The following SLC19A1 variants were observed in gnomAD, a reference collection of about 807,000 sequenced individuals.
SLC19A1 encodes reduced folate transporter.
A neutral mutation model predicts 35.3 loss-of-function variants in SLC19A1; 37 were observed. That is an observed-to-expected ratio of 1.05 (90% CI 0.81 to 1.38). The LOEUF (loss-of-function observed/expected upper bound fraction) is 1.38. Among genes scored for constraint, SLC19A1 ranks in the 40% most tolerant of loss-of-function variants. The probability of loss-of-function intolerance (pLI) is 0.00; values close to 1 mark genes in which losing one functional copy is unlikely to be tolerated. For missense variants in SLC19A1, 831 were observed against 826.9 expected, an observed-to-expected ratio of 1.00 and a Z score of -0.06; for synonymous variants, 460 against 398.5, an observed-to-expected ratio of 1.15 and a Z score of -1.84.
rs1295041078 is a variant in SLC19A1 at position 45,525,802 on chromosome 21, C to G, written c.1293+15G>C. The stretch of plus-strand genomic sequence containing the variant: ...AGCTTCCATCCCCGAGGACGCAGGC[C>G]TGAAATGGGCTCACCTGCTTGCGGA... On this transcript the variant is annotated intron_variant, in intron 5 of 5. Transcript: ENST00000311124. 1 of 1,612,526 alleles carries G rather than the reference C, an allele frequency of 6.2e-7. No homozygotes were observed. Among genetic ancestry groups the G allele is most frequent in the East Asian group, 2.2e-5 (1 of 44,878 alleles).
In SLC19A1 at chr21:45,515,932, G is replaced by C. The variant is rs780587368; in HGVS notation, c.1502C>G (p.Pro501Arg). The C allele has an allele frequency of 3.2e-6, 5 of 1,538,972 alleles. No individual in the cohort carries two copies. Among genetic ancestry groups the C allele is most frequent in the East Asian group, 2.4e-5 (1 of 42,032 alleles). ...LGGLQPAQSP[P>R]LSPEDSLGAV... ...CCCCAGGCTGTCTTCTGGGGAAAGC[G>C]GCGGGCTCTGGGCTGGCTGCAGGCC... Residue 501 changes from proline (P) to arginine (R), a missense_variant, in exon 6 of 6, where the codon CCG (proline) becomes CGG (arginine). Physicochemically the swap from Pro to Arg is moderately radical, Grantham distance 103 (BLOSUM62 -2). Coordinates refer to ENST00000311124, the MANE Select transcript of SLC19A1 (RefSeq NM_194255.4).
downstream of SLC19A1, chr21:45,511,372 A>G: frequency 1.5e-6 from 1 of 678,212 alleles, no homozygotes; most frequent in South Asian, 1.5e-5. Flanking sequence ...CCAAAAGAGC[A>G]TTGAGAAAAA....
chr21:45,519,908 A>G (rs2077388337), intron 5 of SLC19A1, among the ~76,000 whole-genome samples: 1 of 152,236 alleles, frequency 6.6e-6, no homozygotes, highest in Admixed American at 6.5e-5. Context: ...AAAGCAGAAT[A>G]TACATTCTTT....
intron 3 of SLC19A1, chr21:45,505,026 G>C (rs2037106877): frequency 7.0e-7 from 1 of 1,427,402 alleles, no homozygotes; most frequent in African/African-American, 1.4e-5. Flanking sequence ...CGGTGACTCA[G>C]AGGCTGCGCT....
Position 45,532,042 on chromosome 21 carries a change from T to C in SLC19A1, c.296A>G (p.Gln99Arg). Residue 99 changes from glutamine (Q) to arginine (R), a missense_variant, in exon 3 of 6, where the codon CAG becomes CGG. Transcript: ENST00000311124. ...CCACACCGACACGAAGCTGAGCCCC[T>C]GCAGCAGCAGCACCGGCGTGTAGCG... is the stretch of plus-strand genomic sequence containing the variant. ...YLRYTPVLLLQGLSFVSVWLL... is the reference protein window; with the variant it reads ...YLRYTPVLLLRGLSFVSVWLL... The C allele has an allele frequency of 6.2e-7, 1 of 1,612,214 alleles. No individual in the cohort carries two copies. The highest frequency in any genetic ancestry group is 8.5e-7 in the Non-Finnish European group (1 of 1,179,864).
At position 45,529,386 on chromosome 21, in the gene SLC19A1, G is replaced by A. The variant is rs142087242; in HGVS notation, c.1151+1384C>T. Among the ~76,000 whole-genome samples the A allele has an allele frequency of 1.4e-3, 207 of 152,346 alleles. 2 individuals carry two copies. Among genetic ancestry groups the A allele is most frequent in the Non-Finnish European group, 2.6e-3 (177 of 68,028 alleles). On this transcript the variant is annotated intron_variant, in intron 4 of 5. Coordinates refer to ENST00000311124, the MANE Select transcript of SLC19A1 (RefSeq NM_194255.4). ...ATAAGGCCCAGGGGGATGACCCACG[G>A]AGGGAGGGAGATAGGGCTCGGAGGC... is the stretch of plus-strand genomic sequence containing the variant.
chr21:45,515,237 C>T lies in SLC19A1; in HGVS notation c.*421G>A, dbSNP rs9680103. ...CAGCAATGTCACAGCTCAGCTACAC[C>T]TGAGGGTCCCGGCTCCCACCCTGCC... is the stretch of plus-strand genomic sequence containing the variant. On this transcript the variant is annotated 3_prime_UTR_variant, in exon 6 of 6. Coordinates refer to ENST00000311124, the MANE Select transcript of SLC19A1 (RefSeq NM_194255.4). 8 of 1,505,108 alleles carry T rather than the reference C, an allele frequency of 5.3e-6. No homozygotes were observed. The highest frequency in any genetic ancestry group is 4.4e-6 in the Non-Finnish European group (5 of 1,138,422). 93.2% of individuals were successfully genotyped at this position (1,505,108 alleles called of 1,614,324 possible).
At position 45,533,702 on chromosome 21, in the gene SLC19A1, CTCGTGCTGCCCCAG is replaced by C. The variant is rs2078012981; in HGVS notation, c.190-1568_190-1555del. ...GACCACCAGTAACCCCACAGCCCCA[CTCGTGCTGCCCCAG>C]GTGACCTCAGCCCCTGCCAGCCACA... is the stretch of plus-strand genomic sequence containing the variant. On this transcript the variant is annotated intron_variant, in intron 2 of 5. Coordinates refer to ENST00000311124, the MANE Select transcript of SLC19A1 (RefSeq NM_194255.4). This position sits in a 1 kb window ranked among gnomAD's most constrained non-coding sequence, Gnocchi z 4.5. 6.6e-6 allele frequency among the ~76,000 whole-genome samples: 1 copy of C among 152,098 alleles called. No individual in the cohort carries two copies. Among genetic ancestry groups the C allele is most frequent in the Admixed American group, 6.5e-5 (1 of 15,286 alleles).
At position 45,505,160 on chromosome 21, in the gene SLC19A1, C is replaced by A. The variant is rs774145080; in HGVS notation, c.498-6548G>T. 17 of 1,607,962 alleles carry A rather than the reference C, an allele frequency of 1.1e-5. No individual in the cohort carries two copies. In the South Asian group the frequency reaches 1.8e-4, roughly 17 times the overall value. On this transcript the variant is annotated intron_variant, in intron 3 of 4. Transcript: ENST00000417954. ...GTCCCAAGGGAGAGAGCATCCGGGG[C>A]CAGCCCGGCCCACCTGGACCTCAGG... is the stretch of plus-strand genomic sequence containing the variant.
downstream of SLC19A1, chr21:45,511,043 C>CCCACAAACACCCACACCCAT (rs2037571730): frequency 2.0e-5 from 9 of 450,566 alleles, 1 homozygote; most frequent in Non-Finnish European, 3.5e-5. Context: ...CACACACCCC[C>CCCACAAACACCCACACCCAT]CCACAAACAC....
downstream of SLC19A1, chr21:45,510,377 C>T (rs2037506955): frequency 2.5e-6 from 3 of 1,221,756 alleles, no homozygotes; most frequent in Non-Finnish European, 3.5e-6. Flanking sequence ...GTTACAGACA[C>T]TGGCGCCTAG....
At chr21:45,507,463 G>GCA (rs200248157) in intron 3 of SLC19A1, 1 of 365,640 alleles carries the variant, frequency 2.7e-6, no homozygotes, top group African/African-American at 6.1e-5. Context: ...GGCTGGGAGG[G>GCA]CCAGGTGCTG....
rs2037816041 is a variant in SLC19A1, at chr21:45,514,998, GGACA to G, written c.*656_*659del. On this transcript the variant is annotated 3_prime_UTR_variant, in exon 6 of 6. Coordinates refer to ENST00000311124, the MANE Select transcript of SLC19A1 (RefSeq NM_194255.4). ...AGGTCAGGATGGACACACTTCAGAA[GGACA>G]GACAGGACCATGGAGGGCTGCCCTT... is the stretch of plus-strand genomic sequence containing the variant. 6.6e-7 allele frequency: 1 copy of G among 1,522,774 alleles called. No homozygotes were observed. The allele number at this position is 1,522,774 out of a possible 1,614,324, so 94.3% of individuals were successfully genotyped here. A position where few individuals can be genotyped will look rare whatever the true frequency, so the allele number is the denominator to read the frequency against.
chr21:45,523,726 T>C lies in SLC19A1; in HGVS notation c.1293+2091A>G, dbSNP rs565100633. Among the ~76,000 whole-genome samples, 9 of 152,262 alleles carry C rather than the reference T, an allele frequency of 5.9e-5. No homozygotes were observed. In the South Asian group the frequency reaches 1.9e-3, roughly 32 times the overall value. On this transcript the variant is annotated intron_variant, in intron 5 of 5. Transcript: ENST00000311124. Reference sequence around the variant, plus strand: ...GGGGCAGTCAGCACCCAGAGGCAGGTCAGAAGCCAGTTCCAGCCTGGCTGG... The same window carrying C: ...GGGGCAGTCAGCACCCAGAGGCAGGCCAGAAGCCAGTTCCAGCCTGGCTGG...
downstream of SLC19A1, among the ~76,000 whole-genome samples, chr21:45,508,199 T>TGGGTGAGTGGATGGATGGTGGTCAGGC (rs1220243270): frequency 2.1e-5 from 3 of 144,888 alleles, no homozygotes; most frequent in Admixed American, 6.8e-5. Flanking sequence ...GGTGGACAGG[T>TGGGTGAGTGGATGGATGGTGGTCAGGC]GGGTGAGTGT....
chr21:45,550,769 C>T (rs548120429), intron 1 of SLC19A1, among the ~76,000 whole-genome samples: 15 of 152,272 alleles, frequency 9.9e-5, no homozygotes, highest in South Asian at 4.1e-4. Flanking sequence ...AGTGCAGGGG[C>T]GTGCAGTCTG....
intron 1 of SLC19A1, among the ~76,000 whole-genome samples, chr21:45,538,734 C>T (rs978346561): frequency 5.9e-5 from 9 of 152,172 alleles, no homozygotes; most frequent in African/African-American, 1.7e-4. Flanking sequence ...GCCCAGGGAC[C>T]CCAGCATCCC....
Position 45,515,733 on chromosome 21 carries a change from A to T in SLC19A1, c.1701T>A (p.Ala567=). Residue 567 remains alanine (A), a synonymous_variant, in exon 6 of 6, where the codon GCT becomes GCA. Coordinates refer to ENST00000311124, the MANE Select transcript of SLC19A1 (RefSeq NM_194255.4). ...GCTTGCTGACACCAGGAGGATGGAC[A>T]GCCAGCTGGGGACAAGTCTCATCTG... is the stretch of plus-strand genomic sequence containing the variant. The part of the protein sequence containing the change: ...EAADETCPQL[A]VHPPGVSKLG... The T allele has an allele frequency of 6.2e-7, 1 of 1,613,822 alleles. No individual in the cohort carries two copies. The highest frequency in any genetic ancestry group is 8.5e-7 in the Non-Finnish European group (1 of 1,180,008).
intron 3 of SLC19A1, chr21:45,505,690 T>C (rs2037158935): frequency 1.4e-6 from 1 of 712,898 alleles, no homozygotes; most frequent in Non-Finnish European, 2.4e-6. Flanking sequence ...GGGGTCCCCA[T>C]GGTGCTCATG....
Sources: gnomAD v4.1 joint callset for allele counts (sites outside exome capture counted in the v4.1 genomes callset) on GRCh38, gnomAD v4.1.1 for gene constraint, Gnocchi (gnomAD v3.1) non-coding constraint, MANE v1.5 for transcripts, NCBI Gene and HGNC (gene_info 2026-07-23, HGNC 2026-07-21) for gene names.